CHODL: variants seen among roughly 807,000 people sequenced by gnomAD.
The protein encoded by CHODL is transmembrane protein MT75.
In CHODL, 29 loss-of-function variants were observed where a neutral mutation model predicts 34.5. The ratio of observed to expected loss-of-function variants is 0.84; its 90% CI spans 0.63 to 1.15. The LOEUF is 1.15. Ranked by LOEUF, CHODL falls within the 50% of genes most tolerant of loss-of-function variation. CHODL has a pLI of 0.00. For missense variants in CHODL, 332 were observed against 332.5 expected (o/e 1.00, Z 0.01); for synonymous variants, 125 against 116.1 (o/e 1.08, Z -0.49).
rs1226168279 is a variant in CHODL at position 18,262,870 on chromosome 21, T to C, written c.714T>C (p.Cys238=). Residue 238 remains cysteine (C), a synonymous_variant, in exon 5 of 6, where the codon TGT becomes TGC. Coordinates refer to ENST00000299295, the MANE Select transcript of CHODL (RefSeq NM_024944.3). The part of the protein sequence containing the change: ...LLLILVAFGT[C]CFQMLHKSKG... ...TGATACTGGTTGCTTTTGGAACCTG[T>C]TGTTTCCAGATGCTGCATAAAAGGT... 3 of 1,605,302 alleles carry C rather than the reference T, an allele frequency of 1.9e-6. No individual in the cohort carries two copies. The highest frequency in any genetic ancestry group is 2.2e-5 in the South Asian group (2 of 90,872).
intron 1 of CHODL, among the ~76,000 whole-genome samples, chr21:17,991,145 TC>T (rs1247186337): frequency 2.0e-5 from 3 of 152,158 alleles, no homozygotes; most frequent in Non-Finnish European, 4.4e-5. Context: ...TTCTTTCTTT[TC>T]CATGGCTGAG....
At chr21:17,965,843 C>T (rs1733422885) in intron 1 of CHODL, among the ~76,000 whole-genome samples, 1 of 151,032 alleles carries the variant, frequency 6.6e-6, no homozygotes, top group Admixed American at 6.6e-5. Context: ...ACCAAGATAT[C>T]TCAAATTTAA....
At chr21:18,256,356 G>A in intron 1 of CHODL, 153 bp from the exon 2 acceptor site, 2 of 821,784 alleles carry the variant, frequency 2.4e-6, no homozygotes, top group Non-Finnish European at 3.7e-6. Context: ...GCAAGCAATA[G>A]GCTAGAAAAT....
chr21:18,032,990 A>G (rs944830091), intron 2 of CHODL, among the ~76,000 whole-genome samples: 2 of 152,072 alleles, frequency 1.3e-5, no homozygotes, highest in African/African-American at 4.8e-5. Flanking sequence ...AGCTTACATC[A>G]TGGAAGGGAG....
intron 1 of CHODL, among the ~76,000 whole-genome samples, chr21:18,248,807 T>C (rs1482059848): frequency 1.7e-5 from 2 of 120,138 alleles, no homozygotes; most frequent in Non-Finnish European, 3.2e-5. Flanking sequence ...TGTGTATATA[T>C]GTATGTATAT....
intron 2 of CHODL, among the ~76,000 whole-genome samples, chr21:18,030,306 C>G (rs2064232580): frequency 6.6e-6 from 1 of 152,182 alleles, no homozygotes; most frequent in Non-Finnish European, 1.5e-5. Flanking sequence ...GGTTGCCAGT[C>G]CATGTCTGGA....
chr21:17,957,106 G>C (rs1413517195), intron 1 of CHODL, among the ~76,000 whole-genome samples: 1 of 152,088 alleles, frequency 6.6e-6, no homozygotes, highest in African/African-American at 2.4e-5. Context: ...AAATCAGATA[G>C]TTGATAATTG....
intron 1 of CHODL, among the ~76,000 whole-genome samples, chr21:18,027,087 G>A (rs1320563856): frequency 6.8e-6 from 1 of 147,732 alleles, no homozygotes; most frequent in Non-Finnish European, 1.5e-5. Flanking sequence ...AACCAGCCTG[G>A]ACAACATAGT....
At chr21:18,263,789 ATCT>A (rs1041284224) in intron 5 of CHODL, among the ~76,000 whole-genome samples, 6 of 152,084 alleles carry the variant, frequency 3.9e-5, no homozygotes, top group African/African-American at 9.7e-5. Flanking sequence ...ACCTTACTTC[ATCT>A]TCTTCTTTTT....
rs182097247 is a variant in CHODL, at chr21:18,082,977, G to A, written c.-45+55006G>A. ...CAAGCCACTGGCTGCAAAAATTTGCGTTAGTAAAAATGAACCAAATGTTAA... is the reference window on the plus strand; with the variant it reads ...CAAGCCACTGGCTGCAAAAATTTGCATTAGTAAAAATGAACCAAATGTTAA... On this transcript the variant is annotated intron_variant, in intron 2 of 6. Coordinates refer to the CHODL transcript ENST00000400127. Among the ~76,000 whole-genome samples, 6 of 151,740 alleles carry A rather than the reference G, an allele frequency of 4.0e-5. No homozygotes were observed. The East Asian group carries it at 5.8e-4, about 15-fold the overall frequency.
At chr21:18,068,570 TG>T (rs2064759236) in intron 2 of CHODL, among the ~76,000 whole-genome samples, 1 of 152,168 alleles carries the variant, frequency 6.6e-6, no homozygotes, top group Non-Finnish European at 1.5e-5. Context: ...TTAATCCAAC[TG>T]GGCCTCATTC....
chr21:18,171,979 C>T (rs991515185), intron 2 of CHODL, among the ~76,000 whole-genome samples: 9 of 152,158 alleles, frequency 5.9e-5, no homozygotes, highest in African/African-American at 1.9e-4. Context: ...CCTTAATCTT[C>T]ACTTTCTACC....
chr21:18,047,733 T>C (rs1302922670), intron 2 of CHODL, among the ~76,000 whole-genome samples: 2 of 151,934 alleles, frequency 1.3e-5, no homozygotes, highest in African/African-American at 4.8e-5. Flanking sequence ...GATAGCTGTC[T>C]GCCTTTCAGG....
chr21:18,060,440 A>G (rs1379605776), intron 2 of CHODL, among the ~76,000 whole-genome samples: 2 of 149,748 alleles, frequency 1.3e-5, no homozygotes, highest in Non-Finnish European at 2.9e-5. Context: ...ACAGAGTGAG[A>G]CTCTGTCTCA....
chr21:18,216,766 A>C (rs560719513), intron 2 of CHODL, among the ~76,000 whole-genome samples: 3 of 152,180 alleles, frequency 2.0e-5, no homozygotes, highest in Admixed American at 1.3e-4. Context: ...CACCTTCTTC[A>C]TGAGGTGGCA....
chr21:18,002,896 G>T (rs1176644519), intron 1 of CHODL, among the ~76,000 whole-genome samples: 3 of 152,086 alleles, frequency 2.0e-5, no homozygotes, highest in African/African-American at 7.2e-5. Context: ...GGCCGAGGCG[G>T]GCGGATCATA....
At chr21:18,075,350 G>C (rs995377249) in intron 2 of CHODL, among the ~76,000 whole-genome samples, 2 of 152,106 alleles carry the variant, frequency 1.3e-5, no homozygotes, top group African/African-American at 4.8e-5. Flanking sequence ...TCTAGAAAGA[G>C]AACAAATTAG....
At chr21:18,017,348 A>T (rs2064085101) in intron 1 of CHODL, among the ~76,000 whole-genome samples, 2 of 152,060 alleles carry the variant, frequency 1.3e-5, no homozygotes, top group Non-Finnish European at 2.9e-5. Flanking sequence ...ATAGTGAGGG[A>T]GTTTTCACAT....
At chr21:18,091,673 A>G (rs1323833624) in intron 2 of CHODL, among the ~76,000 whole-genome samples, 1 of 152,064 alleles carries the variant, frequency 6.6e-6, no homozygotes, top group African/African-American at 2.4e-5. Flanking sequence ...TCAGGCCTAG[A>G]CTCGTGGACA....
Sources: gnomAD v4.1 joint callset for allele counts (sites outside exome capture counted in the v4.1 genomes callset) on GRCh38, gnomAD v4.1.1 for gene constraint, MANE v1.5 for transcripts, NCBI Gene and HGNC (gene_info 2026-07-23, HGNC 2026-07-21) for gene names.